MATN2: variants seen among roughly 807,000 people sequenced by gnomAD.
MATN2 encodes the protein matrilin-2.
A neutral mutation model predicts 103.2 loss-of-function variants in MATN2; 69 were observed. The observed-to-expected ratio is 0.67, with a 90% CI of 0.55 to 0.82. MATN2 has a LOEUF of 0.82. Ranked by LOEUF, MATN2 falls within the 40% of genes least tolerant of loss-of-function variation. The pLI, the probability that MATN2 is intolerant of heterozygous loss-of-function variation, is 0.00. For synonymous variants in MATN2, 429 were observed against 450.2 expected (o/e 0.95, Z 0.60); for missense variants, 1,023 against 1,211.5 (o/e 0.84, Z 2.31).
At chr8:97,911,907 G>A (rs528708307) in intron 2 of MATN2, among the ~76,000 whole-genome samples, 18 of 152,088 alleles carry the variant, frequency 1.2e-4, no homozygotes, top group Non-Finnish European at 2.4e-4. Context: ...CTTACTTTGC[G>A]CCAGGCACTA....
Position 97,931,530 on chromosome 8 carries a change from C to G in MATN2, c.712+8C>G. 6.3e-7 allele frequency: 1 copy of G among 1,589,974 alleles called. No homozygotes were observed. ...TCCAGAAGAAGTTGTGCAGTAAGTCCTGCTCCTTTGTCACTCTTCTAGAGG... is the reference window on the plus strand; with the variant it reads ...TCCAGAAGAAGTTGTGCAGTAAGTCGTGCTCCTTTGTCACTCTTCTAGAGG... On this transcript the variant is annotated splice_region_variant and intron_variant, in intron 3 of 18. Transcript: ENST00000254898. The surrounding 1 kb of genome is among the most constrained non-coding windows in gnomAD (Gnocchi z 4.1).
intron 5 of MATN2, among the ~76,000 whole-genome samples, chr8:97,972,142 C>T (rs548018581): frequency 1.3e-5 from 2 of 150,724 alleles, no homozygotes; most frequent in South Asian, 4.2e-4. Flanking sequence ...TGCCACCACC[C>T]CCAGCTAATG....
intron 4 of MATN2, among the ~76,000 whole-genome samples, chr8:97,955,533 A>G (rs915433107): frequency 1.3e-5 from 2 of 152,228 alleles, no homozygotes; most frequent in Non-Finnish European, 2.9e-5. Flanking sequence ...CTTCAGAATC[A>G]TCCCCAGCTG....
intron 2 of MATN2, among the ~76,000 whole-genome samples, chr8:97,893,663 GC>G (rs2130000308): frequency 6.6e-6 from 1 of 151,616 alleles, no homozygotes; most frequent in East Asian, 1.9e-4. Flanking sequence ...TGCAACCTCC[GC>G]CTCCCAGGTT....
intron 3 of MATN2, among the ~76,000 whole-genome samples, chr8:97,932,772 C>T (rs150071786): frequency 4.9e-4 from 74 of 152,306 alleles, no homozygotes; most frequent in Middle Eastern, 3.4e-3. Context: ...TTGTCCATTC[C>T]CAGTGGTCCC....
intron 6 of MATN2, among the ~76,000 whole-genome samples, chr8:97,980,558 CTTT>C (rs71570278): frequency 9.6e-4 from 90 of 94,076 alleles, no homozygotes; most frequent in Non-Finnish European, 1.3e-3. Context: ...TTATTCTTTC[CTTT>C]TTTTTTTTTT....
At chr8:97,872,489 T>G (rs577812735) in intron 1 of MATN2, among the ~76,000 whole-genome samples, 1 of 152,310 alleles carries the variant, frequency 6.6e-6, no homozygotes, top group South Asian at 2.1e-4. Context: ...CCCTAAGATG[T>G]TATCTTGCAG....
intron 1 of MATN2, among the ~76,000 whole-genome samples, chr8:97,871,798 T>C (rs1388102166): frequency 6.6e-6 from 1 of 152,144 alleles, no homozygotes; most frequent in Admixed American, 6.5e-5. Context: ...GGGGCTCAGA[T>C]GGAATGGCAG....
At chr8:97,938,404 G>A (rs1332773376) in intron 3 of MATN2, among the ~76,000 whole-genome samples, 1 of 152,152 alleles carries the variant, frequency 6.6e-6, no homozygotes. Context: ...TAGGACCATC[G>A]TTGCTGACAT....
At chr8:98,004,572 T>C (rs992633266) in intron 8 of MATN2, among the ~76,000 whole-genome samples, 2 of 152,224 alleles carry the variant, frequency 1.3e-5, no homozygotes, top group East Asian at 3.8e-4. Flanking sequence ...CATTTTGATA[T>C]GTTAGCCTGG....
chr8:98,032,586 C>T (rs11994595), intron 16 of MATN2, among the ~76,000 whole-genome samples: 4,631 of 152,140 alleles, frequency 0.03, 205 homozygotes, highest in African/African-American at 0.1. Flanking sequence ...GGCTGGAGTG[C>T]AGTGGTACGA....
At position 98,033,722 on chromosome 8, in the gene MATN2, A is replaced by G. The variant is rs771601149; in HGVS notation, c.2815+63A>G. The G allele has an allele frequency of 3.7e-5, 40 of 1,074,236 alleles. No individual in the cohort carries two copies. The Admixed American group carries it at 6.1e-4, about 16-fold the overall frequency. The allele number at this position is 1,074,236 out of a possible 1,614,324, so 66.5% of individuals were successfully genotyped here. A position where few individuals can be genotyped will look rare whatever the true frequency, so the allele number is the denominator to read the frequency against. Reference sequence around the variant, plus strand: ...AAAGAATATTATCAAAACTTCACACACTCTATGTAGGTTTTATCAACTGAA... The same window carrying G: ...AAAGAATATTATCAAAACTTCACACGCTCTATGTAGGTTTTATCAACTGAA... On this transcript the variant is annotated intron_variant, in intron 18 of 18. Transcript: ENST00000254898.
intron 2 of MATN2, among the ~76,000 whole-genome samples, chr8:97,888,805 G>A (rs1169231015): frequency 6.6e-6 from 1 of 152,206 alleles, no homozygotes; most frequent in Non-Finnish European, 1.5e-5. Context: ...TGGTAAGCCT[G>A]GCATGTGGAG....
intron 13 of MATN2, among the ~76,000 whole-genome samples, chr8:98,027,018 G>A (rs1813832363): frequency 6.6e-6 from 1 of 152,104 alleles, no homozygotes; most frequent in South Asian, 2.1e-4. Flanking sequence ...TCCATTGACT[G>A]TCAGAATGCC....
rs138635803 is a variant in MATN2, at chr8:97,930,977, C to T, written c.167C>T (p.Ala56Val). Reference sequence around the variant, plus strand: ...GAGAGTTCCTGTGAGAACAAGCGGGCAGACCTGGTTTTCATCATTGACAGC... The same window carrying T: ...GAGAGTTCCTGTGAGAACAAGCGGGTAGACCTGGTTTTCATCATTGACAGC... The part of the protein sequence containing the change: ...LLESSCENKR[A>V]DLVFIIDSSR... Residue 56 changes from alanine to valine, a missense_variant, in exon 3 of 19, where the codon GCA (alanine) becomes GTA (valine). Ala to Val is a moderately conservative substitution (Grantham distance 64). Transcript: ENST00000254898. 3.3e-3 allele frequency: 5,265 copies of T among 1,611,270 alleles called. 55 individuals are homozygous for T. In the Middle Eastern group the frequency reaches 0.037, roughly 11 times the overall value.
chr8:97,959,058 C>G (rs1811225926), intron 4 of MATN2, among the ~76,000 whole-genome samples: 1 of 152,164 alleles, frequency 6.6e-6, no homozygotes, highest in African/African-American at 2.4e-5. Flanking sequence ...TAATCTGTCC[C>G]AATTCTGAAC....
chr8:97,977,015 C>G (rs1811856715), intron 5 of MATN2, among the ~76,000 whole-genome samples: 1 of 151,980 alleles, frequency 6.6e-6, no homozygotes, highest in Non-Finnish European at 1.5e-5. Context: ...GCCAGTGGAT[C>G]TCTTGAGCTC....
chr8:98,016,684 C>A (rs1237615483), intron 11 of MATN2, 22 bp downstream of exon 11: 24 of 1,605,646 alleles, frequency 1.5e-5, no homozygotes, highest in Non-Finnish European at 2.0e-5. Flanking sequence ...CTGGAGCTGG[C>A]TCCTACTACT....
intron 2 of MATN2, among the ~76,000 whole-genome samples, chr8:97,897,878 G>A (rs1255995962): frequency 6.6e-6 from 1 of 152,188 alleles, no homozygotes; most frequent in Non-Finnish European, 1.5e-5. Context: ...AAAAAGCACA[G>A]CGTCTGACCT....
Sources: gnomAD v4.1 joint callset for allele counts (sites outside exome capture counted in the v4.1 genomes callset) on GRCh38, gnomAD v4.1.1 for gene constraint, Gnocchi (gnomAD v3.1) non-coding constraint, MANE v1.5 for transcripts, NCBI Gene and HGNC (gene_info 2026-07-23, HGNC 2026-07-21) for gene names.